Variants in ZDHHC15 observed in about 807,000 individuals in gnomAD.
ZDHHC15 encodes the protein palmitoyltransferase ZDHHC15.
In ZDHHC15, 19 loss-of-function variants were observed where a neutral mutation model predicts 31.7. That is an observed-to-expected ratio of 0.60 (90% CI 0.42 to 0.88). The LOEUF is 0.88. Ranked by LOEUF, ZDHHC15 falls within the 40% of genes least tolerant of loss-of-function variation. The probability of loss-of-function intolerance (pLI) is 0.00; values close to 1 mark genes in which losing one functional copy is unlikely to be tolerated. For missense variants in ZDHHC15, 209 were observed against 251.2 expected (o/e 0.83, Z 1.14); for synonymous variants, 103 against 90.0 (o/e 1.14, Z -0.82).
chrX:75,412,895 G>T (rs2083501781), intron 10 of ZDHHC15, among the ~76,000 whole-genome samples: 1 of 111,954 alleles, frequency 8.9e-6, no homozygotes, highest in African/African-American at 3.2e-5. Context: ...TACAACAGTG[G>T]TTACCAGAGG....
intron 4 of ZDHHC15, among the ~76,000 whole-genome samples, chrX:75,437,621 AT>A (rs1478014980): frequency 9.6e-6 from 1 of 104,279 alleles, no homozygotes; most frequent in Non-Finnish European, 2.0e-5. Flanking sequence ...TGAACTCATC[AT>A]TTTTTATGGC....
intron 1 of ZDHHC15, among the ~76,000 whole-genome samples, chrX:75,513,955 T>A (rs2085316865): frequency 8.9e-6 from 1 of 112,162 alleles, no homozygotes; most frequent in South Asian, 3.6e-4. Context: ...AATGTGATAT[T>A]TAAATTGCTG....
intron 10 of ZDHHC15, among the ~76,000 whole-genome samples, chrX:75,387,496 A>G (rs1186901134): frequency 8.9e-6 from 1 of 112,112 alleles, no homozygotes; most frequent in Non-Finnish European, 1.9e-5. Context: ...TCAGACAGAA[A>G]TCATGAAACT....
intron 10 of ZDHHC15, among the ~76,000 whole-genome samples, chrX:75,416,519 T>C (rs950368710): frequency 1.8e-5 from 2 of 112,192 alleles, no homozygotes; most frequent in African/African-American, 3.2e-5. Flanking sequence ...ACTCAACTTT[T>C]AGCTCTTTAC....
chrX:75,505,670 G>C (rs1158031814), intron 2 of ZDHHC15, 151 bp downstream of exon 2: 2 of 616,776 alleles, frequency 3.2e-6, no homozygotes, highest in Admixed American at 3.2e-5. Flanking sequence ...CTATCTCTGT[G>C]TAAGCTTCCT....
chrX:75,508,642 T>C (rs2085208850), intron 1 of ZDHHC15, among the ~76,000 whole-genome samples: 1 of 110,654 alleles, frequency 9.0e-6, no homozygotes, highest in African/African-American at 3.3e-5. Context: ...ACATGATTTA[T>C]AATCCTCTGG....
intron 4 of ZDHHC15, among the ~76,000 whole-genome samples, chrX:75,448,080 T>C (rs1368819372): frequency 2.7e-5 from 3 of 112,220 alleles, no homozygotes; most frequent in African/African-American, 9.7e-5. Context: ...TTTTAGACTA[T>C]TAAGTGTAAA....
intron 10 of ZDHHC15, chrX:75,384,668 G>A (rs1489170608): frequency 1.7e-5 from 14 of 836,544 alleles, no homozygotes; most frequent in Middle Eastern, 3.8e-4. Flanking sequence ...TTCCTGAAAC[G>A]CATGAATGAA....
intron 2 of ZDHHC15, among the ~76,000 whole-genome samples, chrX:75,495,091 A>G (rs1171396366): frequency 8.9e-6 from 1 of 112,072 alleles, no homozygotes; most frequent in Non-Finnish European, 1.9e-5. Flanking sequence ...TTTCAAGAAA[A>G]AAAACAACCC....
At chrX:75,447,470 T>C (rs1235086094) in intron 4 of ZDHHC15, among the ~76,000 whole-genome samples, 1 of 112,124 alleles carries the variant, frequency 8.9e-6, no homozygotes, top group African/African-American at 3.2e-5. Context: ...TTTACTGGTG[T>C]TATCACGTTC....
chrX:75,453,809 G>A (rs2084167706), intron 3 of ZDHHC15, among the ~76,000 whole-genome samples: 1 of 111,415 alleles, frequency 9.0e-6, no homozygotes, highest in African/African-American at 3.3e-5. Flanking sequence ...CTCAATAGAT[G>A]CAGCAAAGGC....
At chrX:75,434,260 G>A (rs1244484427) in intron 4 of ZDHHC15, among the ~76,000 whole-genome samples, 6 of 111,502 alleles carry the variant, frequency 5.4e-5, no homozygotes, top group Non-Finnish European at 1.1e-4. Flanking sequence ...TGCATAGTTT[G>A]TGGATAATTT....
intron 3 of ZDHHC15, among the ~76,000 whole-genome samples, chrX:75,456,160 A>G (rs1347839815): frequency 9.0e-6 from 1 of 111,651 alleles, no homozygotes; most frequent in Non-Finnish European, 1.9e-5. Flanking sequence ...ACACCATGGA[A>G]TACTATGCAG....
intron 3 of ZDHHC15, among the ~76,000 whole-genome samples, chrX:75,462,573 C>T (rs2084335184): frequency 8.9e-6 from 1 of 112,101 alleles, no homozygotes; most frequent in African/African-American, 3.2e-5. Flanking sequence ...ATAACAGTCT[C>T]TCAGACCAAA....
intron 4 of ZDHHC15, among the ~76,000 whole-genome samples, chrX:75,437,261 C>CT (rs966191679): frequency 2.0e-5 from 1 of 49,909 alleles, no homozygotes; most frequent in African/African-American, 4.6e-5. Flanking sequence ...TGTTGACTTT[C>CT]TTTTTTTTGT....
At chrX:75,442,659 C>T (rs1210071956) in intron 4 of ZDHHC15, among the ~76,000 whole-genome samples, 2 of 111,822 alleles carry the variant, frequency 1.8e-5, no homozygotes. Context: ...AGGATACAAA[C>T]AAATGAAGAA....
chrX:75,489,688 C>T (rs776219398), intron 2 of ZDHHC15, among the ~76,000 whole-genome samples: 6 of 112,327 alleles, frequency 5.3e-5, no homozygotes, highest in African/African-American at 1.9e-4. Context: ...GAGGACCTCT[C>T]CTCCTCCAAA....
At chrX:75,406,553 T>G (rs1369660997) in intron 10 of ZDHHC15, among the ~76,000 whole-genome samples, 3 of 110,507 alleles carry the variant, frequency 2.7e-5, no homozygotes, top group Non-Finnish European at 5.7e-5. Flanking sequence ...CATTAGAGAT[T>G]ATAATGAAAA....
intron 4 of ZDHHC15, among the ~76,000 whole-genome samples, chrX:75,446,582 C>G (rs1287935529): frequency 1.8e-5 from 2 of 112,134 alleles, no homozygotes; most frequent in Non-Finnish European, 3.8e-5. Context: ...TGGTTGATCA[C>G]ATGTTTTACT....
Sources: gnomAD v4.1 joint callset for allele counts (sites outside exome capture counted in the v4.1 genomes callset) on GRCh38, gnomAD v4.1.1 for gene constraint, MANE v1.5 for transcripts, NCBI Gene and HGNC (gene_info 2026-07-23, HGNC 2026-07-21) for gene names.